TAF4: variants seen among roughly 807,000 people sequenced by gnomAD.
TAF4 encodes the protein TATA-box binding protein associated factor 4, also known as transcription initiation factor TFIID subunit 4.
In TAF4, 9 loss-of-function variants were observed where a neutral mutation model predicts 90.3. The observed-to-expected ratio is 0.10, with a 90% confidence interval of 0.06 to 0.17. TAF4 has a LOEUF of 0.17. Among genes scored for constraint, TAF4 ranks in the 10% least tolerant of loss-of-function variants. The probability of loss-of-function intolerance (pLI) is 1.00; values close to 1 mark genes in which losing one functional copy is unlikely to be tolerated. For missense variants in TAF4, 1,351 were observed against 1,370.7 expected, an observed-to-expected ratio of 0.99 and a Z score of 0.23; for synonymous variants, 818 against 638.9, an observed-to-expected ratio of 1.28 and a Z score of -4.23.
intron 1 of TAF4, among the ~76,000 whole-genome samples, chr20:62,020,448 T>A (rs1442887601): frequency 3.9e-5 from 6 of 152,382 alleles, no homozygotes; most frequent in African/African-American, 1.4e-4. Context: ...CAGCTCCACG[T>A]CTGAGCCCTG....
intron 1 of TAF4, among the ~76,000 whole-genome samples, chr20:62,033,371 CCAA>C (rs2055914844): frequency 6.6e-6 from 1 of 152,158 alleles, no homozygotes; most frequent in South Asian, 2.1e-4. Context: ...TTGATACGAT[CCAA>C]CATCCATTGA....
chr20:62,029,486 G>GCACACACACACACA (rs56056225), intron 1 of TAF4, among the ~76,000 whole-genome samples: 16 of 146,188 alleles, frequency 1.1e-4, no homozygotes, highest in African/African-American at 3.1e-4. Context: ...GCGCGCGCGC[G>GCACACACACACACA]CACACACACA....
intron 4 of TAF4, among the ~76,000 whole-genome samples, 153 bp downstream of exon 4, chr20:62,009,893 C>G (rs756436017): frequency 1.5e-4 from 23 of 152,168 alleles, no homozygotes; most frequent in Non-Finnish European, 2.5e-4. Context: ...CAGAGCCCCA[C>G]GTGCTCACGT....
At chr20:62,035,759 G>A (rs1203001702) in intron 1 of TAF4, among the ~76,000 whole-genome samples, 1 of 152,100 alleles carries the variant, frequency 6.6e-6, no homozygotes, top group Non-Finnish European at 1.5e-5. Context: ...CATAAAGAAA[G>A]TGAAAAGATC....
At chr20:61,979,652 G>A (rs1485632210) in intron 14 of TAF4, among the ~76,000 whole-genome samples, 3 of 143,646 alleles carry the variant, frequency 2.1e-5, no homozygotes. Context: ...CCGTGCAGGC[G>A]CCATGGCCAC....
chr20:62,025,844 C>T (rs1012503647), intron 1 of TAF4, among the ~76,000 whole-genome samples: 2 of 152,084 alleles, frequency 1.3e-5, no homozygotes, highest in African/African-American at 4.8e-5. Context: ...GGACAAGGGG[C>T]GTGGGAGGGA....
At chr20:61,979,332 T>C (rs1261958385) in intron 14 of TAF4, 1 of 152,754 alleles carries the variant, frequency 6.5e-6, no homozygotes, top group Non-Finnish European at 1.5e-5. Context: ...AGTGGGGGCT[T>C]CCAGCTCCAT....
chr20:62,002,992 C>A (rs1308709710), intron 9 of TAF4, among the ~76,000 whole-genome samples, 168 bp downstream of exon 9: 1 of 152,194 alleles, frequency 6.6e-6, no homozygotes, highest in Non-Finnish European at 1.5e-5. Context: ...TATGGGAAAA[C>A]ACACTTGTGT....
chr20:62,047,772 C>T (rs1474574628), intron 1 of TAF4, among the ~76,000 whole-genome samples: 1 of 152,248 alleles, frequency 6.6e-6, no homozygotes, highest in Admixed American at 6.5e-5. Flanking sequence ...TGAGAAGAGT[C>T]GCCCCTGGCT....
rs775245345 is a variant in TAF4 at position 62,065,147 on chromosome 20, G to T, written c.664C>A (p.Pro222Thr). 1.7e-6 allele frequency: 2 copies of T among 1,196,720 alleles called. No homozygotes were observed. The highest frequency in any genetic ancestry group is 1.1e-6 in the Non-Finnish European group (1 of 941,424). The allele number at this position is 1,196,720 out of a possible 1,614,324, so 74.1% of individuals were successfully genotyped here. ...TTGGGCAGCGGCAGCAGCGCGGCGG[G>T]CCCGTTGTTGACCAGGCTGACAGCA... is the stretch of plus-strand genomic sequence containing the variant. Reference protein sequence around the residue: ...APAVSLVNNGPAALLPLPKPA... With the variant: ...APAVSLVNNGTAALLPLPKPA... The change falls in exon 1 of 15, where the codon CCC (proline) becomes ACC (threonine). Residue 222 changes from proline (P) to threonine (T), a missense_variant. Physicochemically the swap from Pro to Thr is conservative, Grantham distance 38 (BLOSUM62 -1). This residue lies in a region of TAF4 where 782 missense variants were observed against 536.6 expected (regional missense o/e 1.46). Coordinates refer to ENST00000252996, the MANE Select transcript of TAF4 (RefSeq NM_003185.4).
intron 1 of TAF4, among the ~76,000 whole-genome samples, chr20:62,058,984 G>A (rs961414015): frequency 2.2e-5 from 2 of 90,160 alleles, no homozygotes; most frequent in African/African-American, 1.2e-4. Context: ...AGACAATGGG[G>A]CTCGGGGGGC....
In TAF4 at chr20:62,006,331, C is replaced by G. The variant is rs1289657038; in HGVS notation, c.2223+179G>C. The G allele has an allele frequency of 4.7e-6, 4 of 858,094 alleles. No homozygotes were observed. In the African/African-American group the frequency reaches 7.0e-5, roughly 15 times the overall value. 53.2% of individuals were successfully genotyped at this position (858,094 alleles called of 1,614,324 possible). On this transcript the variant is annotated intron_variant, in intron 7 of 14. Coordinates refer to ENST00000252996, the MANE Select transcript of TAF4 (RefSeq NM_003185.4). This position sits in a 1 kb window ranked among gnomAD's most constrained non-coding sequence, Gnocchi z 7.0. The stretch of plus-strand genomic sequence containing the variant: ...TTTTACTGAGACAAAATACAACATC[C>G]CAGGGCCTCAACCTCTGGTTTCTAT...
chr20:62,039,662 T>C (rs904489116), intron 1 of TAF4, among the ~76,000 whole-genome samples: 2 of 152,202 alleles, frequency 1.3e-5, no homozygotes, highest in Admixed American at 6.5e-5. Context: ...TTCCTTAAAA[T>C]TGAAAACTTG....
intron 14 of TAF4, among the ~76,000 whole-genome samples, chr20:61,991,786 A>G (rs1436866984): frequency 6.6e-6 from 1 of 152,180 alleles, no homozygotes; most frequent in Non-Finnish European, 1.5e-5. Context: ...ACCGCACTGA[A>G]AGAACACAGC....
chr20:62,048,987 CT>C (rs1321838802), intron 1 of TAF4, among the ~76,000 whole-genome samples: 7 of 148,464 alleles, frequency 4.7e-5, no homozygotes, highest in Middle Eastern at 3.6e-3. Flanking sequence ...CCATCCCCCC[CT>C]GGGCCCTCTC....
At chr20:62,019,335 G>A (rs1384247965) in intron 1 of TAF4, among the ~76,000 whole-genome samples, 1 of 152,196 alleles carries the variant, frequency 6.6e-6, no homozygotes, top group East Asian at 1.9e-4. Flanking sequence ...TTCCCTGCCC[G>A]CTCCCCGGGC....
At chr20:62,050,556 A>T (rs2056020960) in intron 1 of TAF4, among the ~76,000 whole-genome samples, 1 of 151,176 alleles carries the variant, frequency 6.6e-6, no homozygotes, top group Non-Finnish European at 1.5e-5. Context: ...CCACCAAAAC[A>T]AGAGTAAAGG....
intron 1 of TAF4, among the ~76,000 whole-genome samples, chr20:62,025,280 T>C (rs959627149): frequency 6.6e-6 from 1 of 152,248 alleles, no homozygotes; most frequent in East Asian, 1.9e-4. Context: ...AACTCCAAAG[T>C]ACACCAAAGG....
intron 14 of TAF4, among the ~76,000 whole-genome samples, chr20:61,977,806 AG>A (rs2055505630): frequency 6.6e-6 from 1 of 152,212 alleles, no homozygotes; most frequent in Admixed American, 6.5e-5. Flanking sequence ...GACAGTTTGC[AG>A]GGTGAGGGCA....
Sources: gnomAD v4.1 joint callset for allele counts (sites outside exome capture counted in the v4.1 genomes callset) on GRCh38, gnomAD v4.1.1 for gene constraint, gnomAD v4.1.1 regional missense constraint, Gnocchi (gnomAD v3.1) non-coding constraint, MANE v1.5 for transcripts, NCBI Gene and HGNC (gene_info 2026-07-23, HGNC 2026-07-21) for gene names.